STAU1: variants seen among roughly 807,000 people sequenced by gnomAD.
STAU1 encodes the protein staufen double-stranded RNA binding protein 1.
Under a neutral mutation model 62.9 loss-of-function variants are expected in STAU1, and 13 were observed. That is an observed-to-expected ratio of 0.21 (90% CI 0.13 to 0.33). The LOEUF is 0.33. Ranked by LOEUF, STAU1 falls within the 10% of genes least tolerant of loss-of-function variation. STAU1 has a pLI of 1.00. For synonymous variants in STAU1, 269 were observed against 265.1 expected (o/e 1.01, Z -0.14); for missense variants, 571 against 712.1 (o/e 0.80, Z 2.25).
intron 4 of STAU1, among the ~76,000 whole-genome samples, chr20:49,153,681 A>T (rs1600755967): frequency 7.9e-6 from 1 of 127,150 alleles, no homozygotes; most frequent in Non-Finnish European, 1.6e-5. Flanking sequence ...ACTGCACTCC[A>T]GCCTGGGTGA....
At chr20:49,162,495 C>A (rs2093463926) in intron 3 of STAU1, among the ~76,000 whole-genome samples, 1 of 152,194 alleles carries the variant, frequency 6.6e-6, no homozygotes, top group Non-Finnish European at 1.5e-5. Context: ...GATTTATAGG[C>A]CAGACATGGT....
chr20:49,141,653 G>T (rs938273004), intron 5 of STAU1, among the ~76,000 whole-genome samples: 1 of 152,164 alleles, frequency 6.6e-6, no homozygotes, highest in African/African-American at 2.4e-5. Flanking sequence ...CCAGCACTCT[G>T]GAAGGCCAAG....
At chr20:49,187,858 C>T (rs2093810056) in intron 1 of STAU1, among the ~76,000 whole-genome samples, 1 of 148,822 alleles carries the variant, frequency 6.7e-6, no homozygotes, top group African/African-American at 2.4e-5. Context: ...GAAAGGCGGC[C>T]GCAGCACCTG....
the STAU1 span, among the ~76,000 whole-genome samples, chr20:49,205,989 T>TC: frequency 2.0e-5 from 3 of 147,494 alleles, no homozygotes; most frequent in African/African-American, 2.5e-5. Context: ...TCTTTTCTTT[T>TC]TTTTTTTTTT....
rs6122754 is a variant in STAU1 at position 49,125,721 on chromosome 20, G to A, written c.610-1134C>T. Among the ~76,000 whole-genome samples, 141 of 151,904 alleles carry A rather than the reference G, an allele frequency of 9.3e-4. 1 individual carries two copies. In the East Asian group the frequency reaches 0.017, roughly 18 times the overall value. On this transcript the variant is annotated intron_variant, in intron 6 of 13. Transcript: ENST00000371856. Reference sequence around the variant, plus strand: ...AAATTAGCCGGGCGTGGTGGCAGGCGCCTGTAGTCCCAGCTACTCGGGAGG... The same window carrying A: ...AAATTAGCCGGGCGTGGTGGCAGGCACCTGTAGTCCCAGCTACTCGGGAGG...
chr20:49,185,446 TTTC>T (rs1394850467), intron 1 of STAU1, among the ~76,000 whole-genome samples: 5 of 152,370 alleles, frequency 3.3e-5, no homozygotes, highest in South Asian at 4.1e-4. Flanking sequence ...AAGAGTTAAT[TTTC>T]TTCTTCTTTT....
intron 1 of STAU1, among the ~76,000 whole-genome samples, chr20:49,185,468 C>T (rs2093775622): frequency 6.6e-6 from 1 of 152,136 alleles, no homozygotes; most frequent in Non-Finnish European, 1.5e-5. Flanking sequence ...TTCTGCTGTA[C>T]AGAAATCATG....
intron 3 of STAU1, among the ~76,000 whole-genome samples, chr20:49,159,766 T>C (rs1217956808): frequency 6.6e-6 from 1 of 152,182 alleles, no homozygotes; most frequent in Non-Finnish European, 1.5e-5. Context: ...TTCACCATGT[T>C]GGCCAGTCTG....
intron 2 of STAU1, among the ~76,000 whole-genome samples, chr20:49,166,596 C>T (rs966172699): frequency 3.9e-5 from 6 of 152,082 alleles, no homozygotes; most frequent in African/African-American, 1.4e-4. Context: ...AGCTTACATT[C>T]AAAAATGCAA....
intron 1 of STAU1, among the ~76,000 whole-genome samples, chr20:49,187,481 A>T (rs2146651135): frequency 6.6e-6 from 1 of 152,230 alleles, no homozygotes; most frequent in African/African-American, 2.4e-5. Flanking sequence ...ATTAAATTAT[A>T]CCTTCATATC....
chr20:49,135,112 G>A lies in STAU1; in HGVS notation c.609+721C>T, dbSNP rs1600678254. The A allele has an allele frequency of 1.5e-5, 13 of 844,294 alleles. No individual in the cohort carries two copies. The East Asian group carries it at 3.2e-4, about 21-fold the overall frequency. The allele number at this position is 844,294 out of a possible 1,614,324, so 52.3% of individuals were successfully genotyped here. On this transcript the variant is annotated intron_variant, in intron 6 of 13. Transcript: ENST00000371856. The stretch of plus-strand genomic sequence containing the variant: ...GCCTTTATTCGTAACGTTTTATATA[G>A]AAGAGAGAAGAGCATGTCTTTACTT...
chr20:49,184,687 T>A (rs984432022), intron 1 of STAU1, among the ~76,000 whole-genome samples: 3 of 152,258 alleles, frequency 2.0e-5, no homozygotes, highest in African/African-American at 7.2e-5. Flanking sequence ...TTAAAAGTTT[T>A]ACGTTAAGCT....
intron 1 of STAU1, among the ~76,000 whole-genome samples, chr20:49,185,530 CTAAAAG>C (rs2093776340): frequency 6.6e-6 from 1 of 152,162 alleles, no homozygotes; most frequent in Admixed American, 6.6e-5. Flanking sequence ...TATTATTCTA[CTAAAAG>C]TAAATTTTGT....
At chr20:49,171,786 G>A (rs1033894871) in intron 2 of STAU1, among the ~76,000 whole-genome samples, 5 of 151,880 alleles carry the variant, frequency 3.3e-5, no homozygotes, top group African/African-American at 7.3e-5. Context: ...AATCACTATC[G>A]TCTTATAGGA....
chr20:49,186,491 C>T (rs1348913155), intron 1 of STAU1, among the ~76,000 whole-genome samples: 2 of 152,186 alleles, frequency 1.3e-5, no homozygotes, highest in East Asian at 3.9e-4. Flanking sequence ...TTTCAGTTCA[C>T]TAAGGAAATT....
Position 49,166,238 on chromosome 20 carries a change from C to CT in STAU1, c.-38_-37insA. ...ACAAAAGTGAACAAATGCAGGTAAA[C>CT]AGCTTTCAGTGCAGGTTAATTCAGT... On this transcript the variant is annotated 5_prime_UTR_variant, in exon 3 of 14. Coordinates refer to ENST00000371856, the MANE Select transcript of STAU1 (RefSeq NM_017453.4). 1 of 1,591,050 alleles carries CT rather than the reference C, an allele frequency of 6.3e-7. No homozygotes were observed. Among genetic ancestry groups the CT allele is most frequent in the South Asian group, 1.1e-5 (1 of 90,414 alleles).
chr20:49,171,810 G>C (rs1294900371), intron 2 of STAU1, among the ~76,000 whole-genome samples: 2 of 151,328 alleles, frequency 1.3e-5, no homozygotes, highest in Non-Finnish European at 2.9e-5. Context: ...TTTCCAAAAT[G>C]ACCGCTTTAA....
chr20:49,134,143 C>G (rs1052876116), intron 6 of STAU1, among the ~76,000 whole-genome samples: 1 of 152,036 alleles, frequency 6.6e-6, no homozygotes, highest in East Asian at 1.9e-4. Context: ...AAAATTCTCC[C>G]TTACTGGGCC....
chr20:49,178,536 A>G (rs1405535792), intron 1 of STAU1, among the ~76,000 whole-genome samples: 4 of 151,760 alleles, frequency 2.6e-5, no homozygotes, highest in African/African-American at 9.7e-5. Flanking sequence ...ATCACCTGAG[A>G]TCAGGAGTTC....
Sources: allele counts gnomAD v4.1 joint callset (sites outside exome capture counted in the v4.1 genomes callset), GRCh38; gene constraint gnomAD v4.1.1; transcripts MANE v1.5; gene names NCBI Gene and HGNC (gene_info 2026-07-23, HGNC 2026-07-21).